CCDC91: variants seen among roughly 807,000 people sequenced by gnomAD.
CCDC91 encodes the protein coiled-coil domain containing 91, also known as coiled-coil domain-containing protein 91.
CCDC91 carries 48 observed loss-of-function variants against 63.2 expected under a neutral mutation model. That is an observed-to-expected ratio of 0.76 (90% confidence interval 0.60 to 0.97). The LOEUF is 0.97. Among genes scored for constraint, CCDC91 ranks in the 50% least tolerant of loss-of-function variants. The pLI is 0.00. For synonymous variants in CCDC91, 167 were observed against 165.8 expected (o/e 1.01, Z -0.06); for missense variants, 500 against 494.6 (o/e 1.01, Z -0.10).
At chr12:28,530,864 A>G (rs1406347681) in intron 12 of CCDC91, among the ~76,000 whole-genome samples, 2 of 152,108 alleles carry the variant, frequency 1.3e-5, no homozygotes, top group Non-Finnish European at 1.5e-5. Context: ...TGTGTCCCCA[A>G]AAAGCATATG....
intron 11 of CCDC91, among the ~76,000 whole-genome samples, chr12:28,474,050 G>A (rs1434683132): frequency 6.6e-6 from 1 of 151,516 alleles, no homozygotes; most frequent in South Asian, 2.1e-4. Flanking sequence ...GTAATTTTTC[G>A]ATGATTGCTC....
At chr12:28,338,664 A>C (rs76423160) in intron 6 of CCDC91, among the ~76,000 whole-genome samples, 7 of 147,960 alleles carry the variant, frequency 4.7e-5, no homozygotes, top group Middle Eastern at 3.4e-3. Flanking sequence ...GTCATGAATT[A>C]AAAAAAAAAA....
Position 28,367,274 on chromosome 12 carries a change from G to A in CCDC91, c.654+4759G>A, listed in dbSNP as rs143097964. 5.8e-4 allele frequency among the ~76,000 whole-genome samples: 89 copies of A among 152,144 alleles called. No individual in the cohort carries two copies. In the East Asian group the frequency reaches 0.016, roughly 28 times the overall value. On this transcript the variant is annotated intron_variant, in intron 7 of 12. Coordinates refer to ENST00000536442, the MANE Select transcript of CCDC91 (RefSeq NM_018318.5). ...ACCAATGTGAAAACAGAAAATACCC[G>A]CAAGTGTCAGCAAAGTAATAGACTG...
At chr12:28,254,512 T>A (rs1946316113) in intron 1 of CCDC91, among the ~76,000 whole-genome samples, 1 of 152,160 alleles carries the variant, frequency 6.6e-6, no homozygotes, top group African/African-American at 2.4e-5. Flanking sequence ...AAGCCCACAT[T>A]TGTATATTTC....
intron 11 of CCDC91, among the ~76,000 whole-genome samples, chr12:28,459,838 A>G (rs1950222038): frequency 1.3e-5 from 2 of 152,182 alleles, no homozygotes; most frequent in Admixed American, 1.3e-4. Context: ...GATTCAAAAG[A>G]TACCATGTTT....
chr12:28,241,995 CAAA>C (rs1209663723), intron 1 of CCDC91, among the ~76,000 whole-genome samples: 4 of 41,420 alleles, frequency 9.7e-5, no homozygotes, highest in Non-Finnish European at 2.3e-4. Context: ...GACTCCTTCT[CAAA>C]AAAAAAAAAA....
intron 7 of CCDC91, among the ~76,000 whole-genome samples, chr12:28,369,614 G>C (rs1338422480): frequency 1.3e-5 from 2 of 152,182 alleles, no homozygotes; most frequent in African/African-American, 4.8e-5. Flanking sequence ...TGGAGACTCT[G>C]TGTAGGGGAT....
chr12:28,470,796 C>T (rs1950777522), intron 11 of CCDC91, among the ~76,000 whole-genome samples: 1 of 152,080 alleles, frequency 6.6e-6, no homozygotes, highest in Non-Finnish European at 1.5e-5. Flanking sequence ...ATGAATGGAA[C>T]TGGAGTTCCT....
At chr12:28,455,310 A>T (rs1379072857) in intron 11 of CCDC91, among the ~76,000 whole-genome samples, 1 of 152,152 alleles carries the variant, frequency 6.6e-6, no homozygotes, top group Non-Finnish European at 1.5e-5. Context: ...ATATTACTAC[A>T]GATTGGTTTG....
chr12:28,345,610 A>C (rs1421256235), intron 6 of CCDC91, among the ~76,000 whole-genome samples: 1 of 152,242 alleles, frequency 6.6e-6, no homozygotes, highest in East Asian at 1.9e-4. Flanking sequence ...ACATAGTTTA[A>C]AGAGCCATTT....
intron 12 of CCDC91, among the ~76,000 whole-genome samples, chr12:28,548,413 G>A (rs1398422360): frequency 6.6e-6 from 1 of 151,970 alleles, no homozygotes; most frequent in Non-Finnish European, 1.5e-5. Context: ...GAGATTACAG[G>A]TGTGCACCAC....
chr12:28,502,131 A>C (rs1248899020), intron 12 of CCDC91, among the ~76,000 whole-genome samples: 1 of 151,782 alleles, frequency 6.6e-6, no homozygotes, highest in East Asian at 1.9e-4. Context: ...CGGTCTATCA[A>C]TTCTGTTGAT....
chr12:28,219,128 T>A (rs1315915202), intron 1 of CCDC91, among the ~76,000 whole-genome samples: 2 of 152,204 alleles, frequency 1.3e-5, no homozygotes, highest in Non-Finnish European at 2.9e-5. Context: ...TGAATCTTTT[T>A]AAGTAGCCAT....
Position 28,536,366 on chromosome 12 carries a change from G to A in CCDC91, c.1216-12697G>A, listed in dbSNP as rs11049702. On this transcript the variant is annotated intron_variant, in intron 12 of 12. Transcript: ENST00000536442. ...AATGAAAAGGACAGAAAGATCATTG[G>A]CCTATTCTTGCTTTCATTTGTTTAA... Among the ~76,000 whole-genome samples the A allele has an allele frequency of 5.3e-3, 806 of 152,246 alleles. 2 individuals are homozygous for A. The highest frequency in any genetic ancestry group is 8.7e-3 in the Non-Finnish European group (595 of 68,022).
At chr12:28,363,690 A>C (rs1944056441) in intron 7 of CCDC91, among the ~76,000 whole-genome samples, 1 of 152,012 alleles carries the variant, frequency 6.6e-6, no homozygotes, top group African/African-American at 2.4e-5. Flanking sequence ...ATCCTGGCTA[A>C]CACGGTGAAA....
chr12:28,462,841 A>G (rs1030228555), intron 11 of CCDC91, among the ~76,000 whole-genome samples: 1 of 152,136 alleles, frequency 6.6e-6, no homozygotes, highest in Non-Finnish European at 1.5e-5. Context: ...GAGGAGTACT[A>G]GATCTACCCA....
chr12:28,448,381 G>A (rs1447906482), intron 8 of CCDC91, among the ~76,000 whole-genome samples: 1 of 152,130 alleles, frequency 6.6e-6, no homozygotes, highest in African/African-American at 2.4e-5. Flanking sequence ...GTGAATCTGT[G>A]ATTTTACTTA....
chr12:28,450,526 C>T (rs1201179018), intron 10 of CCDC91, 108 bp downstream of exon 10: 9 of 818,278 alleles, frequency 1.1e-5, no homozygotes, highest in Middle Eastern at 3.3e-4. Context: ...CCATAAAAAT[C>T]GTTTTTATTT....
At chr12:28,515,547 TAAGAA>T (rs904896421) in intron 12 of CCDC91, among the ~76,000 whole-genome samples, 12 of 151,972 alleles carry the variant, frequency 7.9e-5, no homozygotes, top group East Asian at 1.9e-4. Context: ...GATTTAAACT[TAAGAA>T]AAGAAAACAT....
Sources: gnomAD v4.1 joint callset for allele counts (sites outside exome capture counted in the v4.1 genomes callset) on GRCh38, gnomAD v4.1.1 for gene constraint, MANE v1.5 for transcripts, NCBI Gene and HGNC (gene_info 2026-07-23, HGNC 2026-07-21) for gene names.